Variants in SLC28A1 observed in about 807,000 individuals in gnomAD.
SLC28A1 encodes sodium/nucleoside cotransporter 1.
SLC28A1 carries 64 observed loss-of-function variants against 74.8 expected under a neutral mutation model. The ratio of observed to expected loss-of-function variants is 0.86; its 90% confidence interval spans 0.70 to 1.05. SLC28A1 has a LOEUF of 1.05. Among genes scored for constraint, SLC28A1 ranks in the 50% least tolerant of loss-of-function variants. The pLI is 0.00. For missense variants in SLC28A1, 828 were observed against 822.8 expected, an observed-to-expected ratio of 1.01 and a Z score of -0.08; for synonymous variants, 359 against 335.0, an observed-to-expected ratio of 1.07 and a Z score of -0.78.
At chr15:84,959,922 T>G in the SLC28A1 span, among the ~76,000 whole-genome samples, 1 of 152,014 alleles carries the variant, frequency 6.6e-6, no homozygotes, top group East Asian at 1.9e-4. Flanking sequence ...CACTGAGGAG[T>G]TGGGGAGGGA....
intron 6 of SLC28A1, among the ~76,000 whole-genome samples, chr15:84,900,252 C>T (rs1281652047): frequency 2.2e-5 from 3 of 138,534 alleles, no homozygotes; most frequent in African/African-American, 7.5e-5. Context: ...ATTGCTTGAA[C>T]CTGGGAGGTG....
chr15:84,969,841 C>T, the SLC28A1 span, among the ~76,000 whole-genome samples: 1 of 152,034 alleles, frequency 6.6e-6, no homozygotes, highest in Non-Finnish European at 1.5e-5. Flanking sequence ...TATGGCATAG[C>T]CTTCAATTAT....
intron 12 of SLC28A1, among the ~76,000 whole-genome samples, chr15:84,929,337 G>C (rs1181255609): frequency 2.0e-5 from 3 of 151,700 alleles, no homozygotes; most frequent in Non-Finnish European, 4.4e-5. Flanking sequence ...CTGAGGTCAG[G>C]AGTTCAAGAC....
intron 12 of SLC28A1, among the ~76,000 whole-genome samples, chr15:84,930,334 C>G (rs143618823): frequency 2.6e-5 from 4 of 152,232 alleles, no homozygotes; most frequent in African/African-American, 4.8e-5. Context: ...AGAGAGGACA[C>G]CTGCCCCAAG....
At chr15:84,946,235 A>C (rs941515636), downstream of SLC28A1, among the ~76,000 whole-genome samples, 2 of 148,322 alleles carry the variant, frequency 1.3e-5, no homozygotes, top group Non-Finnish European at 3.0e-5. Flanking sequence ...GATTATAAGC[A>C]TAAGTCACTG....
intron 8 of SLC28A1, among the ~76,000 whole-genome samples, chr15:84,906,285 G>T (rs991916403): frequency 6.6e-6 from 1 of 151,878 alleles, no homozygotes; most frequent in Non-Finnish European, 1.5e-5. Context: ...CTCCCAAAGT[G>T]CTGGGATTAC....
chr15:84,936,373 T>C (rs570341509), intron 15 of SLC28A1, among the ~76,000 whole-genome samples: 4 of 152,236 alleles, frequency 2.6e-5, no homozygotes, highest in African/African-American at 9.6e-5. Flanking sequence ...TTCTCGTGTC[T>C]CAGCCTCCCA....
At position 84,920,703 on chromosome 15, in the gene SLC28A1, G is replaced by GGTGT. The variant is rs61457641; in HGVS notation, c.877-268_877-265dup. ...TAATGTGTATTGGTAATCTCCAAGG[G>GGTGT]GTGTGTGTGTGTGTGTGTGTGCATT... On this transcript the variant is annotated intron_variant, in intron 10 of 18. Transcript: ENST00000394573. 5.9e-3 allele frequency among the ~76,000 whole-genome samples: 810 copies of GGTGT among 137,400 alleles called. 2 individuals are homozygous for GGTGT. The highest frequency in any genetic ancestry group is 7.7e-3 in the African/African-American group (304 of 39,530). The allele number at this position is 137,400 out of a possible 152,430, so 90.1% of individuals were successfully genotyped here.
intron 15 of SLC28A1, among the ~76,000 whole-genome samples, 181 bp downstream of exon 15, chr15:84,935,699 C>T (rs1400105435): frequency 6.6e-6 from 1 of 152,208 alleles, no homozygotes. Flanking sequence ...TGCCATCTTT[C>T]TCAAGGCCTT....
downstream of SLC28A1, among the ~76,000 whole-genome samples, chr15:84,948,027 T>C (rs2079292385): frequency 6.6e-6 from 1 of 152,198 alleles, no homozygotes; most frequent in Non-Finnish European, 1.5e-5. Flanking sequence ...ACAGATGCTG[T>C]ATAACTTGTA....
chr15:84,888,884 G>A (rs1338485586), intron 4 of SLC28A1, 24 bp downstream of exon 4: 1 of 1,516,196 alleles, frequency 6.6e-7, no homozygotes, highest in South Asian at 1.2e-5. Context: ...GGAGAGACAA[G>A]GGCGGGCCTG....
intron 8 of SLC28A1, among the ~76,000 whole-genome samples, chr15:84,906,573 T>TCTCTTGCTTCCTTCCTTC (rs1567140749): frequency 1.0e-5 from 1 of 97,978 alleles, no homozygotes. Flanking sequence ...TCTCTTTCTT[T>TCTCTTGCTTCCTTCCTTC]CTTCCTTCCT....
intron 1 of SLC28A1, among the ~76,000 whole-genome samples, chr15:84,885,736 A>G (rs1204682783): frequency 6.6e-6 from 1 of 151,718 alleles, no homozygotes; most frequent in East Asian, 1.9e-4. Context: ...CGTCTCAAAA[A>G]AAAAAAAAAA....
intron 9 of SLC28A1, among the ~76,000 whole-genome samples, chr15:84,916,960 G>A (rs527390343): frequency 2.8e-4 from 42 of 150,722 alleles, no homozygotes; most frequent in Admixed American, 2.1e-3. Context: ...CCCAGGAGGC[G>A]GAGGCTGTAG....
At chr15:84,890,648 C>A in intron 5 of SLC28A1, 114 bp downstream of exon 5, 3 of 872,468 alleles carry the variant, frequency 3.4e-6, no homozygotes, top group Non-Finnish European at 3.7e-6. Flanking sequence ...TGTTGAGCAC[C>A]AACTCAGGTC....
chr15:84,969,956 T>C, the SLC28A1 span, among the ~76,000 whole-genome samples: 1 of 152,212 alleles, frequency 6.6e-6, no homozygotes, highest in Non-Finnish European at 1.5e-5. Flanking sequence ...TGGCCTAATA[T>C]GTAAAGTACA....
chr15:84,924,694 T>G (rs1329205047), intron 12 of SLC28A1, among the ~76,000 whole-genome samples: 1 of 152,222 alleles, frequency 6.6e-6, no homozygotes, highest in African/African-American at 2.4e-5. Context: ...AATGCATCCC[T>G]CACATAATGC....
At chr15:84,900,871 CAAGG>C (rs60285824) in intron 6 of SLC28A1, among the ~76,000 whole-genome samples, 27,244 of 146,210 alleles carry the variant, frequency 0.19, 2,688 homozygotes, top group African/African-American at 0.23. Flanking sequence ...GGGTGAAAGG[CAAGG>C]AAGGAAGGAA....
At chr15:84,939,190 C>T (rs28460454) in intron 15 of SLC28A1, among the ~76,000 whole-genome samples, 2,403 of 152,174 alleles carry the variant, frequency 0.016, 59 homozygotes, top group African/African-American at 0.053. Flanking sequence ...TGTAGTGGTG[C>T]ACGCCTGTGG....
Sources: allele counts gnomAD v4.1 joint callset (sites outside exome capture counted in the v4.1 genomes callset), GRCh38; gene constraint gnomAD v4.1.1; transcripts MANE v1.5; gene names NCBI Gene and HGNC (gene_info 2026-07-23, HGNC 2026-07-21).